Variants in TULP3 observed in about 807,000 individuals in gnomAD.
TULP3 encodes the protein TUB like protein 3.
A neutral mutation model predicts 50.7 loss-of-function variants in TULP3; 38 were observed. The observed-to-expected ratio is 0.75, with a 90% CI of 0.58 to 0.98. TULP3 has a LOEUF of 0.98. TULP3 is among the 50% of genes least tolerant of loss of function. TULP3 has a pLI of 0.00. For synonymous variants in TULP3, 183 were observed against 196.6 expected (o/e 0.93, Z 0.58); for missense variants, 550 against 568.0 (o/e 0.97, Z 0.32).
chr12:2,896,500 T>C (rs1483417067), intron 1 of TULP3, among the ~76,000 whole-genome samples: 1 of 152,156 alleles, frequency 6.6e-6, no homozygotes, highest in African/African-American at 2.4e-5. Context: ...AGATTGGGAG[T>C]GAGACTTGTG....
chr12:2,932,170 C>T (rs980659913), intron 6 of TULP3, among the ~76,000 whole-genome samples: 1 of 152,134 alleles, frequency 6.6e-6, no homozygotes, highest in East Asian at 1.9e-4. Context: ...AGTATTTCCT[C>T]CCTGGAGAGG....
intron 2 of TULP3, among the ~76,000 whole-genome samples, chr12:2,918,796 T>C (rs2098190141): frequency 6.6e-6 from 1 of 152,022 alleles, no homozygotes; most frequent in Non-Finnish European, 1.5e-5. Context: ...CGCCTCAGCC[T>C]CCCAAAGTGC....
chr12:2,917,223 A>AG (rs367543476), intron 2 of TULP3, among the ~76,000 whole-genome samples: 91 of 152,274 alleles, frequency 6.0e-4, no homozygotes, highest in Middle Eastern at 6.8e-3. Context: ...TCAAATTAGA[A>AG]GGCTTATTGG....
intron 4 of TULP3, among the ~76,000 whole-genome samples, chr12:2,925,449 G>C (rs937296171): frequency 2.4e-4 from 37 of 152,202 alleles, no homozygotes; most frequent in African/African-American, 8.4e-4. Flanking sequence ...AGGAAGGGAG[G>C]GGGTGATTCC....
intron 1 of TULP3, among the ~76,000 whole-genome samples, chr12:2,908,633 G>A (rs553421971): frequency 6.6e-6 from 1 of 152,134 alleles, no homozygotes; most frequent in East Asian, 1.9e-4. Context: ...TGTTGGACAG[G>A]CTGGTCTCGA....
intron 1 of TULP3, among the ~76,000 whole-genome samples, chr12:2,895,898 G>T (rs1054061773): frequency 2.5e-5 from 3 of 121,864 alleles, no homozygotes; most frequent in African/African-American, 1.0e-4. Flanking sequence ...GAACACACTG[G>T]TAAGTATTAG....
At chr12:2,932,128 G>C (rs1031602414) in intron 6 of TULP3, among the ~76,000 whole-genome samples, 2 of 152,182 alleles carry the variant, frequency 1.3e-5, no homozygotes, top group Admixed American at 6.5e-5. Flanking sequence ...TGAGGTCACA[G>C]TGGTTTAACA....
At position 2,909,508 on chromosome 12, in the gene TULP3, TA is replaced by T. The variant is rs777544182; in HGVS notation, c.42-20del. The T allele has an allele frequency of 7.8e-6, 12 of 1,535,904 alleles. No homozygotes were observed. In the East Asian group the frequency reaches 1.4e-4, roughly 18 times the overall value. Reference sequence around the variant, plus strand: ...GCGTTTTCTTTTTATATACTTGCTTTATTTTTTTTTTTTTTAACAGTGTCTT... The same window carrying T: ...GCGTTTTCTTTTTATATACTTGCTTTTTTTTTTTTTTTTTAACAGTGTCTT... On this transcript the variant is annotated intron_variant, in intron 1 of 10. Transcript: ENST00000448120.
intron 1 of TULP3, among the ~76,000 whole-genome samples, chr12:2,896,082 A>G (rs1263185870): frequency 6.6e-6 from 1 of 152,088 alleles, no homozygotes. Flanking sequence ...TTGGGATTAC[A>G]GGCGTGCACC....
chr12:2,894,860 C>T, intron 1 of TULP3, among the ~76,000 whole-genome samples: 1 of 152,014 alleles, frequency 6.6e-6, no homozygotes, highest in East Asian at 1.9e-4. Flanking sequence ...CACCACTGCA[C>T]TCCAGCCTGG....
At chr12:2,937,533 C>A in intron 8 of TULP3, 98 bp from the exon 9 acceptor site, 1 of 883,758 alleles carries the variant, frequency 1.1e-6, no homozygotes, top group Non-Finnish European at 1.8e-6. Context: ...CTGATATTGT[C>A]AGCATCTTAC....
At position 2,893,983 on chromosome 12, in the gene TULP3, T is replaced by C. The variant is rs147355125; in HGVS notation, c.41+2995T>C. Among the ~76,000 whole-genome samples, 855 of 151,728 alleles carry C rather than the reference T, an allele frequency of 5.6e-3. 8 individuals carry two copies. Among genetic ancestry groups the C allele is most frequent in the African/African-American group, 0.02 (809 of 41,342 alleles). On this transcript the variant is annotated intron_variant, in intron 1 of 10. Coordinates refer to ENST00000448120, the MANE Select transcript of TULP3 (RefSeq NM_003324.5). ...AGAAATGTTTAGTGAAAATTGGAGG[T>C]GAAATTTGAAACAACACTCAGGACC...
At chr12:2,924,732 T>TAACCC (rs1821344370) in intron 4 of TULP3, among the ~76,000 whole-genome samples, 1 of 151,474 alleles carries the variant, frequency 6.6e-6, no homozygotes, top group Admixed American at 6.6e-5. Flanking sequence ...CTCATGCCTA[T>TAACCC]AACCCCAGCA....
chr12:2,898,100 A>G (rs2098176650), intron 1 of TULP3, among the ~76,000 whole-genome samples: 1 of 150,354 alleles, frequency 6.7e-6, no homozygotes, highest in Non-Finnish European at 1.5e-5. Flanking sequence ...AAAAAAAAAG[A>G]TATAATAGCA....
chr12:2,906,750 T>C (rs1189747978), intron 1 of TULP3, among the ~76,000 whole-genome samples: 2 of 150,284 alleles, frequency 1.3e-5, no homozygotes, highest in Middle Eastern at 3.2e-3. Context: ...ACCCCGTCTC[T>C]ACTAAAAATA....
At chr12:2,932,007 A>G (rs2098198353) in intron 6 of TULP3, among the ~76,000 whole-genome samples, 1 of 152,154 alleles carries the variant, frequency 6.6e-6, no homozygotes, top group Non-Finnish European at 1.5e-5. Context: ...CCTATTTTGC[A>G]TAATTCTAAA....
At chr12:2,904,657 A>G (rs141880503) in intron 1 of TULP3, among the ~76,000 whole-genome samples, 183 of 152,064 alleles carry the variant, frequency 1.2e-3, no homozygotes, top group African/African-American at 4.3e-3. Flanking sequence ...GAAAATAGGA[A>G]ATTTTCTTTG....
At chr12:2,918,623 C>T (rs1482977903) in intron 2 of TULP3, among the ~76,000 whole-genome samples, 1 of 152,132 alleles carries the variant, frequency 6.6e-6, no homozygotes, top group Non-Finnish European at 1.5e-5. Context: ...TCGCCGCAAC[C>T]TCCGCCTCCC....
chr12:2,931,892 TTAGG>T (rs2098198271), intron 6 of TULP3, among the ~76,000 whole-genome samples: 1 of 152,132 alleles, frequency 6.6e-6, no homozygotes, highest in South Asian at 2.1e-4. Flanking sequence ...AGCCACCTTG[TTAGG>T]TAGGATTTCT....
Sources: allele counts gnomAD v4.1 joint callset (sites outside exome capture counted in the v4.1 genomes callset), GRCh38; gene constraint gnomAD v4.1.1; transcripts MANE v1.5; gene names NCBI Gene and HGNC (gene_info 2026-07-23, HGNC 2026-07-21).